The following ETF1 variants were observed in gnomAD, a reference collection of about 807,000 sequenced individuals.
ETF1 encodes eukaryotic translation termination factor 1.
In ETF1, 4 loss-of-function variants were observed where a neutral mutation model predicts 55.1. The observed-to-expected ratio is 0.07, with a 90% CI of 0.04 to 0.17. The LOEUF (loss-of-function observed/expected upper bound fraction) is 0.17. ETF1 is among the 10% of genes least tolerant of loss of function. The probability of loss-of-function intolerance (pLI) is 1.00; values close to 1 mark genes in which losing one functional copy is unlikely to be tolerated. For missense variants in ETF1, 142 were observed against 523.6 expected, an observed-to-expected ratio of 0.27 and a Z score of 7.11; for synonymous variants, 157 against 182.3, an observed-to-expected ratio of 0.86 and a Z score of 1.12.
At chr5:138,534,958 C>T (rs1765855344) in intron 2 of ETF1, among the ~76,000 whole-genome samples, 1 of 145,794 alleles carries the variant, frequency 6.9e-6, no homozygotes, top group Non-Finnish European at 1.5e-5. Flanking sequence ...CCTCAGAAAA[C>T]TAGTTTCTTT....
chr5:138,517,978 G>T, intron 3 of ETF1: 1 of 658,194 alleles, frequency 1.5e-6, no homozygotes, highest in Non-Finnish European at 1.9e-6. Context: ...GAGGTAGGCG[G>T]ATCACCTGAC....
intron 2 of ETF1, among the ~76,000 whole-genome samples, chr5:138,532,212 T>C (rs1765731347): frequency 6.6e-6 from 1 of 152,212 alleles, no homozygotes. Flanking sequence ...CTGTGTGTTT[T>C]CCATTTTTCT....
intron 2 of ETF1, among the ~76,000 whole-genome samples, chr5:138,526,745 G>A (rs184813043): frequency 6.6e-6 from 1 of 151,922 alleles, no homozygotes; most frequent in Non-Finnish European, 1.5e-5. Flanking sequence ...CTGCTGCCCA[G>A]GCTGGAGTGC....
chr5:138,517,381 A>T (rs1052858521), intron 4 of ETF1, among the ~76,000 whole-genome samples, 180 bp downstream of exon 4: 1 of 136,226 alleles, frequency 7.3e-6, no homozygotes, highest in East Asian at 1.9e-4. Context: ...AAAAAAAAAT[A>T]AAAAAATAAA....
intron 2 of ETF1, among the ~76,000 whole-genome samples, chr5:138,532,600 T>C (rs1393116785): frequency 6.6e-6 from 1 of 152,134 alleles, no homozygotes; most frequent in Admixed American, 6.5e-5. Flanking sequence ...TAATATCAGA[T>C]GGGGTTGAAG....
At chr5:138,538,325 G>A (rs982846442) in intron 2 of ETF1, among the ~76,000 whole-genome samples, 1 of 151,962 alleles carries the variant, frequency 6.6e-6, no homozygotes, top group African/African-American at 2.4e-5. Context: ...GAGTAGCTGG[G>A]ATTACAGGTG....
intron 2 of ETF1, among the ~76,000 whole-genome samples, chr5:138,523,549 C>G (rs978159490): frequency 1.3e-5 from 2 of 152,024 alleles, no homozygotes; most frequent in African/African-American, 4.8e-5. Flanking sequence ...AAAAACACCA[C>G]ATATTGTATA....
intron 2 of ETF1, among the ~76,000 whole-genome samples, chr5:138,527,075 G>C (rs1223104842): frequency 6.6e-6 from 1 of 152,240 alleles, no homozygotes; most frequent in Admixed American, 6.5e-5. Flanking sequence ...CTGAGCTCAT[G>C]ATCCACCTGC....
intron 2 of ETF1, among the ~76,000 whole-genome samples, chr5:138,538,964 A>G (rs933743506): frequency 2.6e-5 from 4 of 152,222 alleles, no homozygotes; most frequent in Non-Finnish European, 5.9e-5. Context: ...GGAACAACCA[A>G]TTTTATTTCA....
chr5:138,527,567 T>A (rs1358506640), intron 2 of ETF1, among the ~76,000 whole-genome samples: 1 of 152,190 alleles, frequency 6.6e-6, no homozygotes, highest in Non-Finnish European at 1.5e-5. Flanking sequence ...TGGAAGAGAC[T>A]GGAAACACTG....
intron 2 of ETF1, among the ~76,000 whole-genome samples, chr5:138,538,126 G>T (rs1393468415): frequency 6.7e-6 from 1 of 149,164 alleles, no homozygotes; most frequent in Non-Finnish European, 1.5e-5. Context: ...CTGACCTCAG[G>T]TGATCCACCT....
intron 2 of ETF1, among the ~76,000 whole-genome samples, chr5:138,525,932 G>A (rs1208657274): frequency 8.3e-6 from 1 of 121,208 alleles, no homozygotes; most frequent in African/African-American, 3.2e-5. Context: ...GCAACAGAGT[G>A]AGACTCTGTT....
chr5:138,511,309 G>A, intron 7 of ETF1, 109 bp from the exon 8 acceptor site: 5 of 1,525,998 alleles, frequency 3.3e-6, no homozygotes, highest in Non-Finnish European at 4.4e-6. Context: ...TGCTTTTACT[G>A]AGGCAAAAGA....
chr5:138,508,526 A>C, intron 10 of ETF1, 139 bp from the exon 11 acceptor site: 1 of 1,552,840 alleles, frequency 6.4e-7, no homozygotes, highest in Non-Finnish European at 8.7e-7. Context: ...ACATGGGTCC[A>C]AATTAGGAAC....
At chr5:138,540,344 T>A (rs775292296) in intron 2 of ETF1, among the ~76,000 whole-genome samples, 10 of 152,170 alleles carry the variant, frequency 6.6e-5, no homozygotes, top group Non-Finnish European at 1.5e-4. Flanking sequence ...AACCAGAGTA[T>A]CCCCAAAACA....
intron 2 of ETF1, among the ~76,000 whole-genome samples, chr5:138,534,367 T>G (rs1765827521): frequency 6.6e-6 from 1 of 152,206 alleles, no homozygotes; most frequent in Non-Finnish European, 1.5e-5. Flanking sequence ...AGGAAGCAGC[T>G]TTGAAGCTGG....
intron 2 of ETF1, among the ~76,000 whole-genome samples, chr5:138,534,322 A>C (rs1765826186): frequency 6.6e-6 from 1 of 152,206 alleles, no homozygotes; most frequent in African/African-American, 2.4e-5. Context: ...AAGAAAAATT[A>C]AAAGATCTTC....
At chr5:138,537,405 C>A (rs1441089961) in intron 2 of ETF1, among the ~76,000 whole-genome samples, 1 of 152,094 alleles carries the variant, frequency 6.6e-6, no homozygotes, top group South Asian at 2.1e-4. Context: ...GTATTTTAAC[C>A]CATATTATCT....
intron 2 of ETF1, among the ~76,000 whole-genome samples, chr5:138,533,630 G>A (rs188335499): frequency 9.1e-4 from 138 of 152,252 alleles, no homozygotes; most frequent in African/African-American, 3.2e-3. Flanking sequence ...TGGTTGCGGT[G>A]AGCCAAGATC....
Sources: allele counts gnomAD v4.1 joint callset (sites outside exome capture counted in the v4.1 genomes callset), GRCh38; gene constraint gnomAD v4.1.1; transcripts MANE v1.5; gene names NCBI Gene and HGNC (gene_info 2026-07-23, HGNC 2026-07-21).